The following TTLL11 variants were observed in gnomAD, a reference collection of about 807,000 sequenced individuals.
The protein encoded by TTLL11 is tubulin tyrosine ligase like 11.
In TTLL11, 42 loss-of-function variants were observed where a neutral mutation model predicts 51.7. That is an observed-to-expected ratio of 0.81 (90% CI 0.64 to 1.05). The LOEUF is 1.05. TTLL11 is among the 50% of genes least tolerant of loss of function. The pLI is 0.00. For synonymous variants in TTLL11, 381 were observed against 383.5 expected (o/e 0.99, Z 0.08); for missense variants, 799 against 940.4 (o/e 0.85, Z 1.97).
chr9:121,861,310 C>T (rs956635238), intron 7 of TTLL11, among the ~76,000 whole-genome samples: 6 of 152,170 alleles, frequency 3.9e-5, no homozygotes, highest in African/African-American at 7.2e-5. Flanking sequence ...CTCCTGATCT[C>T]AGGTGATCCG....
At chr9:122,019,688 C>T (rs922155620) in intron 3 of TTLL11, among the ~76,000 whole-genome samples, 5 of 152,162 alleles carry the variant, frequency 3.3e-5, no homozygotes, top group African/African-American at 1.2e-4. Context: ...TGGACTCAAG[C>T]AATCTGCCTG....
intron 8 of TTLL11, among the ~76,000 whole-genome samples, chr9:121,827,009 G>A (rs1441564760): frequency 6.6e-6 from 1 of 152,184 alleles, no homozygotes; most frequent in East Asian, 1.9e-4. Flanking sequence ...GTCAATGTCA[G>A]ATGAAGCCAT....
At chr9:121,959,406 T>C (rs996940849) in intron 6 of TTLL11, among the ~76,000 whole-genome samples, 11 of 152,074 alleles carry the variant, frequency 7.2e-5, no homozygotes, top group African/African-American at 2.7e-4. Context: ...TCGCTGGAAG[T>C]CTCACGACCC....
chr9:121,989,398 G>A lies in TTLL11; in HGVS notation c.1066C>T (p.His356Tyr). 1 of 1,614,172 alleles carries A rather than the reference G, an allele frequency of 6.2e-7. No homozygotes were observed. Among genetic ancestry groups the A allele is most frequent in the Non-Finnish European group, 8.5e-7 (1 of 1,180,052 alleles). The change falls in exon 4 of 9, where the codon CAC becomes TAC. Residue 356 changes from histidine (H) to tyrosine (Y), a missense_variant. His to Tyr is a moderately conservative substitution (Grantham distance 83). This residue lies in a region of TTLL11 where 468 missense variants were observed against 612.8 expected (regional missense o/e 0.76). Transcript: ENST00000321582. The surrounding 1 kb of genome is among the most constrained non-coding windows in gnomAD (Gnocchi z 4.2). ...SLNIHSGNFI[H>Y]SDSASTGSKR... ...CTGCCAGTGCTAGCACTGTCCGAGTGGATGAAGTTGCCGCTGTGGATGTTC... is the reference window on the plus strand; with the variant it reads ...CTGCCAGTGCTAGCACTGTCCGAGTAGATGAAGTTGCCGCTGTGGATGTTC...
At chr9:122,081,669 T>C (rs978693450) in intron 1 of TTLL11, among the ~76,000 whole-genome samples, 20 of 152,260 alleles carry the variant, frequency 1.3e-4, no homozygotes, top group Non-Finnish European at 2.1e-4. Flanking sequence ...TCTGTGTTTC[T>C]TCTGCCTTCT....
At chr9:122,089,998 G>A (rs1846217041) in intron 1 of TTLL11, among the ~76,000 whole-genome samples, 1 of 151,270 alleles carries the variant, frequency 6.6e-6, no homozygotes, top group Non-Finnish European at 1.5e-5. Flanking sequence ...CCACCTATAT[G>A]CCAATGTGTT....
intron 1 of TTLL11, among the ~76,000 whole-genome samples, chr9:122,060,742 T>G (rs190708476): frequency 6.6e-6 from 1 of 152,188 alleles, no homozygotes; most frequent in Non-Finnish European, 1.5e-5. Context: ...GACTACATGG[T>G]CTCCAAGGGC....
chr9:121,892,036 T>C (rs1429055792), intron 6 of TTLL11, among the ~76,000 whole-genome samples: 1 of 108,618 alleles, frequency 9.2e-6, no homozygotes, highest in Non-Finnish European at 2.0e-5. Context: ...GTTTTATATA[T>C]AAATATATAT....
chr9:122,068,803 G>A (rs1276413327), intron 1 of TTLL11, among the ~76,000 whole-genome samples: 3 of 152,170 alleles, frequency 2.0e-5, no homozygotes, highest in African/African-American at 7.2e-5. Flanking sequence ...ACTTGGGTGT[G>A]ACCAGGTGCC....
At chr9:121,974,776 C>T in intron 5 of TTLL11, 108 bp downstream of exon 5, 3 of 861,576 alleles carry the variant, frequency 3.5e-6, no homozygotes, top group Non-Finnish European at 5.4e-6. Context: ...CAGAATTTGG[C>T]TATGAAAATC....
chr9:121,952,824 C>T (rs961046833), intron 6 of TTLL11, among the ~76,000 whole-genome samples: 8 of 152,112 alleles, frequency 5.3e-5, no homozygotes, highest in Non-Finnish European at 1.0e-4. Flanking sequence ...AGTCAAGCTC[C>T]GGATTCAGCC....
intron 6 of TTLL11, among the ~76,000 whole-genome samples, chr9:121,882,678 C>T (rs760406355): frequency 2.0e-5 from 3 of 152,106 alleles, no homozygotes; most frequent in Admixed American, 6.5e-5. Context: ...GCCTGTACCT[C>T]GTGCCACCTC....
chr9:121,943,616 T>C (rs768287925), intron 6 of TTLL11, among the ~76,000 whole-genome samples: 2 of 152,206 alleles, frequency 1.3e-5, no homozygotes, highest in Non-Finnish European at 2.9e-5. Flanking sequence ...CACCTGCAGG[T>C]GTCTAGAAGC....
At chr9:122,045,496 A>C (rs1844977881) in intron 1 of TTLL11, among the ~76,000 whole-genome samples, 1 of 152,202 alleles carries the variant, frequency 6.6e-6, no homozygotes, top group African/African-American at 2.4e-5. Context: ...GGTTGCAGTG[A>C]GCCAAGATCA....
At chr9:121,917,695 G>T (rs1840392040) in intron 6 of TTLL11, among the ~76,000 whole-genome samples, 1 of 150,726 alleles carries the variant, frequency 6.6e-6, no homozygotes, top group Admixed American at 6.6e-5. Context: ...AAGGAAGGAA[G>T]GAAAGAAGAA....
chr9:121,883,968 C>T lies in TTLL11; in HGVS notation c.1482-13220G>A, dbSNP rs536352046. ...ACTTAACCTTACTGAGCATCAGTTT[C>T]CTCATTTGCAAAGTGGTGACAGCAC... On this transcript the variant is annotated intron_variant, in intron 6 of 8. Coordinates refer to ENST00000321582, the MANE Select transcript of TTLL11 (RefSeq NM_001139442.2). Among the ~76,000 whole-genome samples the T allele has an allele frequency of 2.0e-5, 3 of 152,312 alleles. No individual in the cohort carries two copies. The South Asian group carries it at 6.2e-4, about 32-fold the overall frequency.
At chr9:122,045,231 A>G (rs1349002813) in intron 1 of TTLL11, among the ~76,000 whole-genome samples, 1 of 152,064 alleles carries the variant, frequency 6.6e-6, no homozygotes, top group Non-Finnish European at 1.5e-5. Context: ...TGATCTAGCA[A>G]TTCCAGTTCT....
intron 6 of TTLL11, among the ~76,000 whole-genome samples, chr9:121,908,225 G>A (rs1201351371): frequency 1.3e-5 from 2 of 152,224 alleles, no homozygotes; most frequent in South Asian, 2.1e-4. Context: ...AAACTTGCTG[G>A]AAGGCTGAGG....
intron 3 of TTLL11, among the ~76,000 whole-genome samples, chr9:121,998,209 C>T (rs895098061): frequency 6.6e-6 from 1 of 152,168 alleles, no homozygotes; most frequent in East Asian, 1.9e-4. Flanking sequence ...CTTCCCCACA[C>T]CACAGTCCTA....
Sources: gnomAD v4.1 joint callset for allele counts (sites outside exome capture counted in the v4.1 genomes callset) on GRCh38, gnomAD v4.1.1 for gene constraint, gnomAD v4.1.1 regional missense constraint, Gnocchi (gnomAD v3.1) non-coding constraint, MANE v1.5 for transcripts, NCBI Gene and HGNC (gene_info 2026-07-23, HGNC 2026-07-21) for gene names.